Variants in SEMA6D observed in about 807,000 individuals in gnomAD.
SEMA6D encodes the protein semaphorin-6D.
SEMA6D carries 35 observed loss-of-function variants against 106.6 expected under a neutral mutation model. The observed-to-expected ratio is 0.33, with a 90% CI of 0.25 to 0.44. The LOEUF (loss-of-function observed/expected upper bound fraction) is 0.44. Ranked by LOEUF, SEMA6D falls within the 20% of genes least tolerant of loss-of-function variation. The pLI is 1.00. For synonymous variants in SEMA6D, 499 were observed against 487.7 expected (o/e 1.02, Z -0.31); for missense variants, 1,185 against 1,345.9 (o/e 0.88, Z 1.87).
At chr15:47,186,874 A>G (rs972362931) in intron 1 of SEMA6D, among the ~76,000 whole-genome samples, 8 of 152,240 alleles carry the variant, frequency 5.3e-5, no homozygotes, top group East Asian at 3.8e-4. Flanking sequence ...TGTGCAAAGA[A>G]CAGAACTTAA....
At chr15:47,749,815 C>G (rs890118592) in intron 1 of SEMA6D, among the ~76,000 whole-genome samples, 6 of 151,956 alleles carry the variant, frequency 3.9e-5, no homozygotes, top group Non-Finnish European at 8.8e-5. Flanking sequence ...CCTAGAGACC[C>G]GGAATGGAAC....
intron 1 of SEMA6D, among the ~76,000 whole-genome samples, chr15:47,722,783 C>T (rs2079500405): frequency 6.6e-6 from 1 of 152,210 alleles, no homozygotes; most frequent in Non-Finnish European, 1.5e-5. Context: ...GAAAGAACAG[C>T]AGCAACCACA....
chr15:47,298,876 A>T (rs2035909372), intron 1 of SEMA6D, among the ~76,000 whole-genome samples: 1 of 152,186 alleles, frequency 6.6e-6, no homozygotes, highest in Admixed American at 6.5e-5. Context: ...ATATTAATTG[A>T]GTCTTTACCT....
At chr15:47,615,493 A>G (rs1019200809) in intron 4 of SEMA6D, among the ~76,000 whole-genome samples, 7 of 152,234 alleles carry the variant, frequency 4.6e-5, no homozygotes, top group Non-Finnish European at 1.0e-4. Flanking sequence ...CTTCATTTAT[A>G]CACACAAAAA....
intron 1 of SEMA6D, among the ~76,000 whole-genome samples, chr15:47,286,787 A>G (rs1033068755): frequency 6.6e-6 from 1 of 152,130 alleles, no homozygotes; most frequent in African/African-American, 2.4e-5. Flanking sequence ...TCTAGCTCTC[A>G]ATGGGCCAGC....
chr15:47,426,629 A>C (rs2041348237), intron 2 of SEMA6D, among the ~76,000 whole-genome samples: 1 of 152,048 alleles, frequency 6.6e-6, no homozygotes, highest in Non-Finnish European at 1.5e-5. Context: ...TTGGTCTTTT[A>C]TTTACATTTT....
chr15:47,761,537 C>A, intron 6 of SEMA6D, 106 bp downstream of exon 6: 1 of 1,231,858 alleles, frequency 8.1e-7, no homozygotes, highest in South Asian at 1.4e-5. Context: ...TGTTTTATCT[C>A]TAGTGCAATG....
At chr15:47,652,524 G>A (rs893131056) in intron 4 of SEMA6D, among the ~76,000 whole-genome samples, 1 of 152,154 alleles carries the variant, frequency 6.6e-6, no homozygotes, top group Non-Finnish European at 1.5e-5. Context: ...TTTCCCGAGA[G>A]TGTTAAAAAT....
rs1319034216 is a variant in SEMA6D at position 47,542,682 on chromosome 15, AG to A, written c.-86-58182del. ...TTTCTGAGATGTGCATTTTCTTTTT[AG>A]TCAATAACTTGTTTCCGCTAGTTAC... On this transcript the variant is annotated intron_variant, in intron 3 of 19. Transcript: ENST00000558014. Among the ~76,000 whole-genome samples, 350 of 152,098 alleles carry A rather than the reference AG, an allele frequency of 2.3e-3. 1 individual carries two copies. The highest frequency in any genetic ancestry group is 8.3e-3 in the African/African-American group (344 of 41,488).
At chr15:47,463,250 A>G (rs568586748) in intron 2 of SEMA6D, among the ~76,000 whole-genome samples, 6 of 152,234 alleles carry the variant, frequency 3.9e-5, no homozygotes, top group Admixed American at 6.5e-5. Context: ...AATATTTTTC[A>G]AGCCTTCAGC....
rs550818023 is a variant in SEMA6D, at chr15:47,553,147, G to A, written c.-86-47718G>A. On this transcript the variant is annotated intron_variant, in intron 3 of 19. Transcript: ENST00000558014. ...TCAAACTCCCAACTTCAGGCAATCC[G>A]CCCATCTTGACCTCCAAAAGTGCTG... 4.6e-4 allele frequency among the ~76,000 whole-genome samples: 70 copies of A among 150,948 alleles called. 1 individual carries two copies. In the South Asian group the frequency reaches 8.6e-3, roughly 18 times the overall value.
At chr15:47,184,743 A>G (rs1055272381) in intron 1 of SEMA6D, among the ~76,000 whole-genome samples, 1 of 151,632 alleles carries the variant, frequency 6.6e-6, no homozygotes, top group Non-Finnish European at 1.5e-5. Context: ...TCGTGGCCCC[A>G]CCTCTTGCCC....
At chr15:47,444,994 C>G (rs1388995392) in intron 2 of SEMA6D, among the ~76,000 whole-genome samples, 1 of 152,050 alleles carries the variant, frequency 6.6e-6, no homozygotes, top group Non-Finnish European at 1.5e-5. Context: ...GGATGGGGAG[C>G]TGGAAGGGGG....
chr15:47,554,124 T>C (rs886791884), intron 3 of SEMA6D, among the ~76,000 whole-genome samples: 1 of 152,196 alleles, frequency 6.6e-6, no homozygotes, highest in African/African-American at 2.4e-5. Flanking sequence ...CCACACTCTC[T>C]GATAAGAAAG....
chr15:47,210,385 T>G (rs757688073), intron 1 of SEMA6D, among the ~76,000 whole-genome samples: 3 of 152,172 alleles, frequency 2.0e-5, no homozygotes, highest in Non-Finnish European at 4.4e-5. Flanking sequence ...TGTGATATTT[T>G]TTAGGATAGG....
At chr15:47,254,116 ATTAC>A in intron 1 of SEMA6D, among the ~76,000 whole-genome samples, 1 of 151,402 alleles carries the variant, frequency 6.6e-6, no homozygotes, top group Non-Finnish European at 1.5e-5. Flanking sequence ...AGCTATTGGA[ATTAC>A]TTTTATTTCT....
At chr15:47,348,727 C>CACCACACAGAGAGAGAGAGAGAGAGAGAG (rs1450109233) in intron 1 of SEMA6D, among the ~76,000 whole-genome samples, 1 of 57,054 alleles carries the variant, frequency 1.8e-5, no homozygotes, top group African/African-American at 5.0e-5. Context: ...ACCACACACA[C>CACCACACAGAGAGAGAGAGAGAGAGAGAG]AGAGAGAGAG....
intron 1 of SEMA6D, among the ~76,000 whole-genome samples, chr15:47,373,089 T>C (rs528568826): frequency 2.6e-5 from 4 of 152,314 alleles, no homozygotes; most frequent in East Asian, 1.9e-4. Flanking sequence ...TCTAATCTTA[T>C]TGTGAAGCAC....
intron 1 of SEMA6D, among the ~76,000 whole-genome samples, chr15:47,295,159 C>G (rs2035756270): frequency 6.6e-6 from 1 of 152,136 alleles, no homozygotes; most frequent in Non-Finnish European, 1.5e-5. Context: ...CATTTGTCAG[C>G]TGTAAAACAA....
Sources: gnomAD v4.1 joint callset for allele counts (sites outside exome capture counted in the v4.1 genomes callset) on GRCh38, gnomAD v4.1.1 for gene constraint, MANE v1.5 for transcripts, NCBI Gene and HGNC (gene_info 2026-07-23, HGNC 2026-07-21) for gene names.